FILIP1: variants seen among roughly 807,000 people sequenced by gnomAD.
FILIP1 encodes filamin-A-interacting protein 1.
A neutral mutation model predicts 102.1 loss-of-function variants in FILIP1; 61 were observed. That is an observed-to-expected ratio of 0.60 (90% CI 0.49 to 0.74). FILIP1 has a LOEUF of 0.74. FILIP1 is among the 30% of genes least tolerant of loss of function. The probability of loss-of-function intolerance (pLI) is 0.00; values close to 1 mark genes in which losing one functional copy is unlikely to be tolerated. For synonymous variants in FILIP1, 491 were observed against 526.9 expected (o/e 0.93, Z 0.93); for missense variants, 1,314 against 1,441.2 (o/e 0.91, Z 1.43).
At chr6:75,424,159 G>T (rs1030657561) in intron 1 of FILIP1, among the ~76,000 whole-genome samples, 9 of 152,126 alleles carry the variant, frequency 5.9e-5, no homozygotes, top group African/African-American at 1.9e-4. Flanking sequence ...TAGAACACAG[G>T]TCTGTTTGGA....
intron 2 of FILIP1, among the ~76,000 whole-genome samples, chr6:75,388,850 A>T (rs1376855276): frequency 6.6e-6 from 1 of 152,174 alleles, no homozygotes; most frequent in Admixed American, 6.6e-5. Flanking sequence ...TTCCTATTTG[A>T]ATACTCTTTA....
At chr6:75,434,742 G>C (rs1232386487) in intron 1 of FILIP1, among the ~76,000 whole-genome samples, 1 of 152,210 alleles carries the variant, frequency 6.6e-6, no homozygotes, top group Non-Finnish European at 1.5e-5. Flanking sequence ...GGAGTGGTGA[G>C]AGAGGGCATC....
At chr6:75,384,456 T>C (rs1006196124) in intron 2 of FILIP1, among the ~76,000 whole-genome samples, 66 of 152,182 alleles carry the variant, frequency 4.3e-4, no homozygotes, top group Middle Eastern at 3.2e-3. Context: ...CCATCCTTCA[T>C]TCCATCTGCT....
At chr6:75,348,102 C>T (rs531321941) in intron 4 of FILIP1, among the ~76,000 whole-genome samples, 6 of 151,610 alleles carry the variant, frequency 4.0e-5, no homozygotes, top group Non-Finnish European at 8.8e-5. Context: ...CACACTTTTC[C>T]CTCAAATATT....
Position 75,313,530 on chromosome 6 carries a change from C to T in FILIP1, c.2302G>A (p.Glu768Lys), listed in dbSNP as rs752675547. The T allele has an allele frequency of 1.2e-6, 2 of 1,614,104 alleles. No homozygotes were observed. Among genetic ancestry groups the T allele is most frequent in the African/African-American group, 2.7e-5 (2 of 74,920 alleles). ...AACTCTTTGGTCAGATTGAGAACCT[C>T]CTGCCCCATGTTTTTGTTCTTATTT... is the stretch of plus-strand genomic sequence containing the variant. ...EENKNKNMGQEVLNLTKELEL... is the reference protein window; with the variant it reads ...EENKNKNMGQKVLNLTKELEL... The change falls in exon 5 of 6, where the codon GAG becomes AAG. Residue 768 changes from glutamate (E) to lysine (K), a missense_variant. Glu to Lys is a moderately conservative substitution (Grantham distance 56, BLOSUM62 1). Coordinates refer to ENST00000237172, the MANE Select transcript of FILIP1 (RefSeq NM_015687.5). The surrounding 1 kb of genome is among the most constrained non-coding windows in gnomAD (Gnocchi z 4.2).
chr6:75,483,821 G>A (rs1444215346), intron 1 of FILIP1, among the ~76,000 whole-genome samples: 2 of 152,088 alleles, frequency 1.3e-5, no homozygotes, highest in African/African-American at 4.8e-5. Flanking sequence ...GAGCTTACAC[G>A]CACAGGCTGG....
chr6:75,301,922 G>A (rs760838912), intron 6 of FILIP1, among the ~76,000 whole-genome samples: 2 of 152,124 alleles, frequency 1.3e-5, no homozygotes, highest in Non-Finnish European at 2.9e-5. Flanking sequence ...TTTTGGTGGT[G>A]TTTGGTCCTT....
chr6:75,458,811 G>C (rs987126854), intron 1 of FILIP1: 2 of 152,118 alleles, frequency 1.3e-5, no homozygotes, highest in Non-Finnish European at 2.9e-5. Flanking sequence ...TAAATTGTTT[G>C]AGTCTTTAGG....
intron 4 of FILIP1, among the ~76,000 whole-genome samples, chr6:75,348,744 T>C (rs1274313107): frequency 1.3e-5 from 2 of 152,214 alleles, no homozygotes; most frequent in Admixed American, 6.5e-5. Context: ...CTACCCCAAA[T>C]AGAAAGCAAG....
chr6:75,443,943 T>G (rs958806886), intron 1 of FILIP1, among the ~76,000 whole-genome samples: 18 of 152,228 alleles, frequency 1.2e-4, no homozygotes, highest in Non-Finnish European at 2.6e-4. Flanking sequence ...AACAATAATA[T>G]CTGACTACCA....
chr6:75,326,772 G>A (rs1773879971), intron 4 of FILIP1, among the ~76,000 whole-genome samples: 1 of 152,184 alleles, frequency 6.6e-6, no homozygotes, highest in Non-Finnish European at 1.5e-5. Context: ...TCATAACAAT[G>A]CTATTGCTCA....
At chr6:75,319,624 A>G (rs1389502792) in intron 4 of FILIP1, 1 of 428,004 alleles carries the variant, frequency 2.3e-6, no homozygotes, top group African/African-American at 2.1e-5. Flanking sequence ...AGGTCAGGAG[A>G]TCGAGACCAT....
chr6:75,437,989 C>T (rs181424203), intron 1 of FILIP1, among the ~76,000 whole-genome samples: 39 of 152,256 alleles, frequency 2.6e-4, no homozygotes, highest in African/African-American at 9.4e-4. Flanking sequence ...AAAGACAAGG[C>T]CCTGTGTATC....
Position 75,412,031 on chromosome 6 carries a change from ATTCTTCCTATC to A in FILIP1, c.276+2655_276+2665del, listed in dbSNP as rs542741765. On this transcript the variant is annotated intron_variant, in intron 2 of 5. Transcript: ENST00000237172. ...CAGTGTGGCCATTTTCATGATATTG[ATTCTTCCTATC>A]CATGAGCATGGAATGTTTTTCCATT... is the stretch of plus-strand genomic sequence containing the variant. Among the ~76,000 whole-genome samples, 247 of 152,194 alleles carry A rather than the reference ATTCTTCCTATC, an allele frequency of 1.6e-3. 2 individuals carry two copies. The highest frequency in any genetic ancestry group is 5.8e-3 in the African/African-American group (240 of 41,522).
At chr6:75,291,900 C>T (rs1772557173) in exon 7 of FILIP1, 1 of 152,246 alleles carries the variant, frequency 6.6e-6, no homozygotes, top group Admixed American at 6.5e-5. Context: ...TATGTTCCAA[C>T]TCAAGATATT....
At chr6:75,293,007 A>G (rs999964024) in exon 7 of FILIP1, 4 of 152,204 alleles carry the variant, frequency 2.6e-5, no homozygotes, top group African/African-American at 4.8e-5. Context: ...CATTTTGTGA[A>G]AATTATAGGC....
chr6:75,425,539 G>C (rs1355146057), intron 1 of FILIP1, among the ~76,000 whole-genome samples: 2 of 152,038 alleles, frequency 1.3e-5, no homozygotes, highest in Non-Finnish European at 2.9e-5. Flanking sequence ...TGGCCTTAAG[G>C]TGTCTCATCA....
intron 1 of FILIP1, among the ~76,000 whole-genome samples, chr6:75,467,887 C>A (rs1449189878): frequency 6.6e-6 from 1 of 152,166 alleles, no homozygotes; most frequent in Non-Finnish European, 1.5e-5. Context: ...GTGTTTGTTA[C>A]AGGAGAGCAG....
chr6:75,353,445 T>C (rs1307759013), intron 4 of FILIP1, 94 bp downstream of exon 4: 8 of 1,381,986 alleles, frequency 5.8e-6, no homozygotes, highest in Non-Finnish European at 7.0e-6. Context: ...CTGTCCACGA[T>C]GCCCCTGGCT....
Sources: allele counts gnomAD v4.1 joint callset (sites outside exome capture counted in the v4.1 genomes callset), GRCh38; gene constraint gnomAD v4.1.1; non-coding constraint Gnocchi (gnomAD v3.1); transcripts MANE v1.5; gene names NCBI Gene and HGNC (gene_info 2026-07-23, HGNC 2026-07-21).